The following FLVCR1 variants were observed in gnomAD, a reference collection of about 807,000 sequenced individuals.
FLVCR1 encodes the protein FLVCR choline and heme transporter 1, also known as choline/ethanolamine transporter FLVCR1.
In FLVCR1, 34 loss-of-function variants were observed where a neutral mutation model predicts 53.6. That is an observed-to-expected ratio of 0.63 (90% CI 0.48 to 0.84). FLVCR1 has a LOEUF of 0.84. Ranked by LOEUF, FLVCR1 falls within the 40% of genes least tolerant of loss-of-function variation. The pLI is 0.00. For missense variants in FLVCR1, 677 were observed against 696.7 expected (o/e 0.97, Z 0.32); for synonymous variants, 300 against 286.3 (o/e 1.05, Z -0.48).
chr1:212,858,349 G>A lies in FLVCR1; in HGVS notation c.-104G>A, dbSNP rs1195891357. The A allele has an allele frequency of 9.7e-5, 108 of 1,111,822 alleles. No homozygotes were observed. In the East Asian group the frequency reaches 3.0e-3, roughly 30 times the overall value. The allele number at this position is 1,111,822 out of a possible 1,614,324, so 68.9% of individuals were successfully genotyped here. On this transcript the variant is annotated 5_prime_UTR_variant, in exon 1 of 10. Coordinates refer to ENST00000366971, the MANE Select transcript of FLVCR1 (RefSeq NM_014053.4). The stretch of plus-strand genomic sequence containing the variant: ...GCCACCGGGGAAGGAGCGGTGGGCC[G>A]AGGGGTTGGAGGTGGGGCCCCAGGA...
intron 2 of FLVCR1, among the ~76,000 whole-genome samples, chr1:212,871,887 A>G (rs975095351): frequency 2.6e-5 from 4 of 152,164 alleles, no homozygotes; most frequent in East Asian, 3.9e-4. Flanking sequence ...CCACACTTTT[A>G]TGTCTCTTAG....
chr1:212,876,534 T>C (rs1664758067), intron 3 of FLVCR1, among the ~76,000 whole-genome samples: 1 of 151,960 alleles, frequency 6.6e-6, no homozygotes, highest in South Asian at 2.1e-4. Context: ...TCCAGCTAAT[T>C]TTTGTATTTT....
At chr1:212,884,023 T>C (rs1038164731) in intron 4 of FLVCR1, among the ~76,000 whole-genome samples, 7 of 152,168 alleles carry the variant, frequency 4.6e-5, no homozygotes, top group Admixed American at 3.9e-4. Flanking sequence ...AAGCACATAG[T>C]ATGGCCAGGC....
intron 1 of FLVCR1, among the ~76,000 whole-genome samples, chr1:212,861,446 A>G (rs1032906598): frequency 3.9e-5 from 6 of 152,208 alleles, no homozygotes; most frequent in African/African-American, 1.4e-4. Flanking sequence ...TACCATGATC[A>G]TATGTCCCAG....
In FLVCR1 at chr1:212,858,802, A is replaced by C; in HGVS notation, c.350A>C (p.Tyr117Ser). 2 of 1,614,088 alleles carry C rather than the reference A, an allele frequency of 1.2e-6. No individual in the cohort carries two copies. ...GTGGTGCTCCTGATCTTCAGCCTGTACTCGCTGGTCAACGCCTTTCAGTGG... is the reference window on the plus strand; with the variant it reads ...GTGGTGCTCCTGATCTTCAGCCTGTCCTCGCTGGTCAACGCCTTTCAGTGG... Reference protein sequence around the residue: ...RFVVLLIFSLYSLVNAFQWIQ... With the variant: ...RFVVLLIFSLSSLVNAFQWIQ... Residue 117 changes from tyrosine to serine, a missense_variant, in exon 1 of 10, where the codon TAC becomes TCC. Tyr to Ser is a moderately radical substitution (Grantham distance 144, BLOSUM62 -2). Transcript: ENST00000366971.
At chr1:212,859,254 G>A in intron 1 of FLVCR1, 64 bp downstream of exon 1, 1 of 1,608,236 alleles carries the variant, frequency 6.2e-7, no homozygotes. Flanking sequence ...CATAGGCCGT[G>A]AGAACTATGG....
chr1:212,891,186 A>G (rs72743981), intron 8 of FLVCR1, among the ~76,000 whole-genome samples: 33,902 of 152,050 alleles, frequency 0.22, 4,422 homozygotes, highest in East Asian at 0.44. Flanking sequence ...ATACAGGTGG[A>G]TCATTTGATG....
intron 5 of FLVCR1, among the ~76,000 whole-genome samples, chr1:212,886,196 C>A (rs1244854692): frequency 6.6e-6 from 1 of 151,684 alleles, no homozygotes; most frequent in Non-Finnish European, 1.5e-5. Context: ...TGTGCGCCAC[C>A]ACACCCGGCT....
intron 3 of FLVCR1, among the ~76,000 whole-genome samples, chr1:212,874,279 A>G (rs1664690239): frequency 6.6e-6 from 1 of 152,082 alleles, no homozygotes; most frequent in East Asian, 1.9e-4. Flanking sequence ...AAAGTGCGGG[A>G]TTACAGGCGT....
intron 1 of FLVCR1, among the ~76,000 whole-genome samples, chr1:212,862,603 C>T (rs1392397547): frequency 6.6e-6 from 1 of 152,026 alleles, no homozygotes; most frequent in Non-Finnish European, 1.5e-5. Flanking sequence ...TTATTTTCAC[C>T]TTTTGGTTAT....
rs557662746 is a variant in FLVCR1 at position 212,878,359 on chromosome 1, G to A, written c.1025-5012G>A. Reference sequence around the variant, plus strand: ...CTTCTAAAAATACAAAAAATGAGCCGGGCATGGTGGTGGGTGCCTGTAGTC... The same window carrying A: ...CTTCTAAAAATACAAAAAATGAGCCAGGCATGGTGGTGGGTGCCTGTAGTC... On this transcript the variant is annotated intron_variant, in intron 3 of 9. Transcript: ENST00000366971. Among the ~76,000 whole-genome samples, 6 of 151,894 alleles carry A rather than the reference G, an allele frequency of 4.0e-5. No individual in the cohort carries two copies. In the East Asian group the frequency reaches 5.8e-4, roughly 15 times the overall value.
At chr1:212,859,213 A>T in intron 1 of FLVCR1, 23 bp downstream of exon 1, 1 of 1,613,968 alleles carries the variant, frequency 6.2e-7, no homozygotes. Context: ...GTGGTAGGTG[A>T]AAGTCAGATC....
Position 212,859,016 on chromosome 1 carries a change from C to T in FLVCR1, c.564C>T (p.Ala188=). ...GCTCCGGCCTCAACTGCCTGGGTGCCTGGATCAAGTGCGGCAGTGTGCAGC... is the reference window on the plus strand; with the variant it reads ...GCTCCGGCCTCAACTGCCTGGGTGCTTGGATCAAGTGCGGCAGTGTGCAGC... ...LLGSGLNCLG[A]WIKCGSVQQH... is the part of the protein sequence containing the mutation. The change falls in exon 1 of 10, where the codon GCC becomes GCT. Residue 188 remains alanine (A), a synonymous_variant. Coordinates refer to ENST00000366971, the MANE Select transcript of FLVCR1 (RefSeq NM_014053.4). The T allele has an allele frequency of 6.2e-7, 1 of 1,612,472 alleles. No individual in the cohort carries two copies. Among genetic ancestry groups the T allele is most frequent in the African/African-American group, 1.3e-5 (1 of 75,010 alleles).
chr1:212,883,315 T>A, intron 3 of FLVCR1, 56 bp from the exon 4 acceptor site: 3 of 942,288 alleles, frequency 3.2e-6, no homozygotes, highest in Non-Finnish European at 5.1e-6. Context: ...ACTTTTAGTA[T>A]TCTCTTTATT....
chr1:212,861,284 G>A (rs1664232641), intron 1 of FLVCR1, among the ~76,000 whole-genome samples: 1 of 152,118 alleles, frequency 6.6e-6, no homozygotes, highest in Non-Finnish European at 1.5e-5. Context: ...ATGTCCTGTT[G>A]GCTTGGAATA....
chr1:212,876,937 A>C (rs886675039), intron 3 of FLVCR1, among the ~76,000 whole-genome samples: 5 of 152,148 alleles, frequency 3.3e-5, no homozygotes, highest in Admixed American at 3.3e-4. Context: ...GGTTGAATTA[A>C]TTTGTACTCC....
chr1:212,878,245 G>C (rs1019996764), intron 3 of FLVCR1, among the ~76,000 whole-genome samples: 1 of 152,152 alleles, frequency 6.6e-6, no homozygotes, highest in African/African-American at 2.4e-5. Flanking sequence ...GCTCAGGCCT[G>C]TAATCCAAGA....
intron 8 of FLVCR1, among the ~76,000 whole-genome samples, chr1:212,894,682 C>G (rs756214420): frequency 2.0e-5 from 3 of 152,122 alleles, no homozygotes; most frequent in African/African-American, 7.2e-5. Context: ...AATTATCACA[C>G]ACTGTTATAC....
chr1:212,894,891 C>T (rs12408694), intron 8 of FLVCR1, 95 bp from the exon 9 acceptor site: 560,003 of 810,078 alleles, frequency 0.69, 198,830 homozygotes, highest in East Asian at 0.91. Flanking sequence ...CACTACAGTG[C>T]ATTAAATTTG....
Sources: gnomAD v4.1 joint callset for allele counts (sites outside exome capture counted in the v4.1 genomes callset) on GRCh38, gnomAD v4.1.1 for gene constraint, MANE v1.5 for transcripts, NCBI Gene and HGNC (gene_info 2026-07-23, HGNC 2026-07-21) for gene names.